Variants in BRINP3 observed in about 807,000 individuals in gnomAD.
BRINP3 encodes the protein BMP/retinoic acid-inducible neural-specific protein 3.
BRINP3 carries 19 observed loss-of-function variants against 71.0 expected under a neutral mutation model. The ratio of observed to expected loss-of-function variants is 0.27; its 90% CI spans 0.19 to 0.39. The LOEUF (loss-of-function observed/expected upper bound fraction) is 0.39, where lower values mean the gene tolerates loss of function less well. Ranked by LOEUF, BRINP3 falls within the 10% of genes least tolerant of loss-of-function variation. The pLI is 1.00. For synonymous variants in BRINP3, 380 were observed against 337.7 expected, an observed-to-expected ratio of 1.13 and a Z score of -1.37; for missense variants, 959 against 940.8, an observed-to-expected ratio of 1.02 and a Z score of -0.25.
At chr1:190,338,940 T>C (rs1667469853) in intron 2 of BRINP3, among the ~76,000 whole-genome samples, 1 of 151,666 alleles carries the variant, frequency 6.6e-6, no homozygotes, top group Non-Finnish European at 1.5e-5. Flanking sequence ...TGTGATGGTG[T>C]AAGCAAGTAT....
At chr1:190,261,608 C>A (rs1233801160) in intron 4 of BRINP3, among the ~76,000 whole-genome samples, 1 of 152,092 alleles carries the variant, frequency 6.6e-6, no homozygotes, top group East Asian at 1.9e-4. Flanking sequence ...TATATTTTTG[C>A]TGTTACCTGA....
At chr1:190,293,443 C>T (rs1407179854) in intron 2 of BRINP3, among the ~76,000 whole-genome samples, 1 of 152,080 alleles carries the variant, frequency 6.6e-6, no homozygotes, top group African/African-American at 2.4e-5. Context: ...CTTTACATAT[C>T]ATCTATCCTG....
At chr1:190,191,226 C>T (rs1009961283) in intron 6 of BRINP3, among the ~76,000 whole-genome samples, 1 of 152,094 alleles carries the variant, frequency 6.6e-6, no homozygotes, top group Admixed American at 6.6e-5. Context: ...TTTAAAAACC[C>T]CATTTCCAGG....
At position 190,097,799 on chromosome 1, in the gene BRINP3, A is replaced by G. The variant is rs1168398433; in HGVS notation, c.*219T>C. 1.6e-5 allele frequency: 8 copies of G among 503,534 alleles called. No individual in the cohort carries two copies. Among genetic ancestry groups the G allele is most frequent in the Non-Finnish European group, 2.1e-5 (6 of 286,658 alleles). 31.2% of individuals were successfully genotyped at this position (503,534 alleles called of 1,614,324 possible). ...TATTGTAAAAAGTAGAATGTCTTCTAGACTGGTGTCAGTATTTATGTCATT... is the reference window on the plus strand; with the variant it reads ...TATTGTAAAAAGTAGAATGTCTTCTGGACTGGTGTCAGTATTTATGTCATT... On this transcript the variant is annotated 3_prime_UTR_variant, in exon 8 of 8. Transcript: ENST00000367462.
At chr1:190,368,955 CT>C (rs1031427247) in intron 2 of BRINP3, among the ~76,000 whole-genome samples, 2 of 152,100 alleles carry the variant, frequency 1.3e-5, no homozygotes, top group African/African-American at 4.8e-5. Context: ...AATAAAAACT[CT>C]TTTCCTCCCT....
intron 3 of BRINP3, among the ~76,000 whole-genome samples, chr1:190,275,348 T>C (rs1233145052): frequency 1.3e-5 from 2 of 151,664 alleles, no homozygotes; most frequent in East Asian, 3.9e-4. Context: ...TTTATACAGA[T>C]ACTTTAAACA....
intron 2 of BRINP3, among the ~76,000 whole-genome samples, chr1:190,358,561 G>T (rs1475808724): frequency 6.6e-6 from 1 of 152,142 alleles, no homozygotes; most frequent in Non-Finnish European, 1.5e-5. Flanking sequence ...TACACTGTTG[G>T]TGGGACTGTA....
intron 6 of BRINP3, among the ~76,000 whole-genome samples, chr1:190,173,762 C>T (rs2065557): frequency 0.14 from 21,993 of 152,056 alleles, 2,502 homozygotes; most frequent in African/African-American, 0.29. Flanking sequence ...ATGAAATACA[C>T]ATAAATAACA....
At chr1:190,175,264 G>C (rs1178295087) in intron 6 of BRINP3, among the ~76,000 whole-genome samples, 1 of 152,088 alleles carries the variant, frequency 6.6e-6, no homozygotes, top group East Asian at 1.9e-4. Context: ...ATCTAGAGTA[G>C]AACCAATATT....
Position 190,432,923 on chromosome 1 carries a change from T to G in BRINP3, c.236+21732A>C, listed in dbSNP as rs562009852. On this transcript the variant is annotated intron_variant, in intron 2 of 7. Transcript: ENST00000367462. ...AATTATAAACATAGTCTATGTTTGC[T>G]TTTAATTTTTATGAAAAATACATAG... 4.6e-5 allele frequency among the ~76,000 whole-genome samples: 7 copies of G among 152,330 alleles called. No homozygotes were observed. In the East Asian group the frequency reaches 1.2e-3, roughly 25 times the overall value.
At chr1:190,447,564 G>A (rs1250490003) in intron 2 of BRINP3, among the ~76,000 whole-genome samples, 3 of 146,116 alleles carry the variant, frequency 2.1e-5, no homozygotes, top group South Asian at 2.1e-4. Context: ...ATAAATGTAC[G>A]TACACACACA....
chr1:190,424,299 T>A (rs183745043), intron 2 of BRINP3, among the ~76,000 whole-genome samples: 1 of 151,736 alleles, frequency 6.6e-6, no homozygotes, highest in Admixed American at 6.6e-5. Flanking sequence ...TGGTTACAGC[T>A]TTCCAATCAT....
intron 2 of BRINP3, among the ~76,000 whole-genome samples, chr1:190,397,972 T>C (rs1671686139): frequency 1.3e-5 from 2 of 151,956 alleles, no homozygotes; most frequent in South Asian, 2.1e-4. Context: ...AGAATTAATA[T>C]CGTGTTCAGT....
chr1:190,419,873 A>G (rs1673257011), intron 2 of BRINP3, among the ~76,000 whole-genome samples: 1 of 151,638 alleles, frequency 6.6e-6, no homozygotes, highest in African/African-American at 2.4e-5. Flanking sequence ...GAAAAAAAAA[A>G]TACTCCCAGG....
At chr1:190,248,435 A>G (rs945125747) in intron 4 of BRINP3, among the ~76,000 whole-genome samples, 1 of 151,700 alleles carries the variant, frequency 6.6e-6, no homozygotes, top group East Asian at 1.9e-4. Context: ...AAAAAACTCT[A>G]TTCCATAATG....
chr1:190,470,258 A>G (rs1009671423), intron 1 of BRINP3, among the ~76,000 whole-genome samples: 12 of 151,142 alleles, frequency 7.9e-5, no homozygotes, highest in Admixed American at 5.9e-4. Flanking sequence ...AAGTCTATCT[A>G]TAAGTATTCT....
At chr1:190,407,296 CAT>C (rs1188209865) in intron 2 of BRINP3, among the ~76,000 whole-genome samples, 8 of 152,082 alleles carry the variant, frequency 5.3e-5, no homozygotes, top group African/African-American at 1.9e-4. Context: ...GAAAAATATG[CAT>C]CCTGGATTAT....
At chr1:190,222,699 T>C (rs946607455) in intron 6 of BRINP3, among the ~76,000 whole-genome samples, 9 of 151,416 alleles carry the variant, frequency 5.9e-5, no homozygotes, top group African/African-American at 2.2e-4. Context: ...AAAAGGGAAA[T>C]AAATGAAATT....
intron 2 of BRINP3, among the ~76,000 whole-genome samples, chr1:190,407,600 T>C (rs1672367935): frequency 6.6e-6 from 1 of 152,206 alleles, no homozygotes; most frequent in Non-Finnish European, 1.5e-5. Context: ...ATTAAATTTA[T>C]TTATTCAAAC....
Sources: allele counts gnomAD v4.1 joint callset (sites outside exome capture counted in the v4.1 genomes callset), GRCh38; gene constraint gnomAD v4.1.1; transcripts MANE v1.5; gene names NCBI Gene and HGNC (gene_info 2026-07-23, HGNC 2026-07-21).